The following CENPN variants were observed in gnomAD, a reference collection of about 807,000 sequenced individuals.
CENPN encodes the protein centromere protein N, also known as interphase centromere complex protein 32.
CENPN carries 36 observed loss-of-function variants against 48.6 expected under a neutral mutation model. The ratio of observed to expected loss-of-function variants is 0.74; its 90% CI spans 0.57 to 0.98. The LOEUF (loss-of-function observed/expected upper bound fraction) is 0.98, where lower values mean the gene tolerates loss of function less well. CENPN is among the 50% of genes least tolerant of loss of function. The pLI, the probability that CENPN is intolerant of heterozygous loss-of-function variation, is 0.00. For missense variants in CENPN, 439 were observed against 399.2 expected (o/e 1.10, Z -0.85); for synonymous variants, 166 against 135.2 (o/e 1.23, Z -1.58).
chr16:81,031,779 TTTTAGTAGAGACAGGGTTTCACCA>T (rs1396197561), downstream of CENPN, among the ~76,000 whole-genome samples: 3 of 152,192 alleles, frequency 2.0e-5, no homozygotes, highest in Middle Eastern at 3.2e-3. Context: ...ATTTTTGTAT[TTTTAGTAGAGACAGGGTTTCACCA>T]TGTTGGTCAG....
intron 3 of CENPN, among the ~76,000 whole-genome samples, chr16:81,015,695 A>G (rs571985708): frequency 6.6e-6 from 1 of 152,322 alleles, no homozygotes; most frequent in African/African-American, 2.4e-5. Context: ...CATTTCTCAT[A>G]CATTGATTCA....
At chr16:81,015,421 G>A (rs549495046) in intron 3 of CENPN, among the ~76,000 whole-genome samples, 1 of 152,330 alleles carries the variant, frequency 6.6e-6, no homozygotes, top group African/African-American at 2.4e-5. Context: ...GTATAATAGT[G>A]ATAATATCAC....
chr16:81,008,693 G>A (rs1969608143), intron 1 of CENPN, among the ~76,000 whole-genome samples: 1 of 152,070 alleles, frequency 6.6e-6, no homozygotes, highest in Admixed American at 6.5e-5. Flanking sequence ...ACTGACTGTT[G>A]AACCCCAAAC....
At chr16:81,011,623 T>G (rs9938541) in intron 1 of CENPN, among the ~76,000 whole-genome samples, 36,402 of 152,126 alleles carry the variant, frequency 0.24, 4,536 homozygotes, top group East Asian at 0.42. Context: ...AGAAAATAAT[T>G]AAATGCTCAT....
At chr16:81,027,772 T>C (rs949326051) in intron 9 of CENPN, among the ~76,000 whole-genome samples, 1 of 152,192 alleles carries the variant, frequency 6.6e-6, no homozygotes, top group Non-Finnish European at 1.5e-5. Context: ...TGGCACCATC[T>C]TGGCTCACTG....
chr16:81,025,991 C>A (rs1421159661), intron 8 of CENPN, among the ~76,000 whole-genome samples: 1 of 150,800 alleles, frequency 6.6e-6, no homozygotes, highest in Non-Finnish European at 1.5e-5. Flanking sequence ...GTGTGAGCCA[C>A]CGTGCCCAGC....
intron 9 of CENPN, among the ~76,000 whole-genome samples, 162 bp downstream of exon 9, chr16:81,026,800 A>G (rs1182903175): frequency 6.6e-6 from 1 of 152,212 alleles, no homozygotes. Flanking sequence ...TATTGTATTT[A>G]TAAGTTCCTC....
chr16:81,020,381 G>C (rs1025836550), intron 6 of CENPN, 105 bp downstream of exon 6: 2 of 1,155,340 alleles, frequency 1.7e-6, no homozygotes, highest in African/African-American at 1.6e-5. Flanking sequence ...TACTAGGCCA[G>C]GTGCAGTGGC....
chr16:81,021,010 TG>T (rs1389599650), intron 6 of CENPN, among the ~76,000 whole-genome samples: 2 of 151,740 alleles, frequency 1.3e-5, no homozygotes, highest in African/African-American at 4.8e-5. Context: ...GAGAATTGCT[TG>T]AACCCGGGAG....
intron 8 of CENPN, among the ~76,000 whole-genome samples, chr16:81,026,069 A>ATATGTGTG (rs558476841): frequency 7.3e-6 from 1 of 136,704 alleles, no homozygotes; most frequent in African/African-American, 2.8e-5. Context: ...ATATATATAT[A>ATATGTGTG]TGTGTGTGTG....
chr16:81,014,165 C>A lies in CENPN; in HGVS notation c.201C>A (p.Ala67=), dbSNP rs772454239. Residue 67 remains alanine (A), a synonymous_variant, in exon 3 of 11, where the codon GCC becomes GCA. Coordinates refer to ENST00000305850, the MANE Select transcript of CENPN (RefSeq NM_001100624.3). ...AGCGTGCAAGTATCAGTGATGCTGCCCTGTTAGACATCATTTGTAAGTGTC... is the reference window on the plus strand; with the variant it reads ...AGCGTGCAAGTATCAGTGATGCTGCACTGTTAGACATCATTTGTAAGTGTC... ...EEKRASISDA[A]LLDIIYMQFH... 3.1e-6 allele frequency: 5 copies of A among 1,613,032 alleles called. No homozygotes were observed. In the South Asian group the frequency reaches 5.5e-5, roughly 18 times the overall value.
intron 5 of CENPN, among the ~76,000 whole-genome samples, chr16:81,018,225 G>A (rs761798753): frequency 6.6e-5 from 10 of 151,680 alleles, no homozygotes; most frequent in Non-Finnish European, 1.0e-4. Flanking sequence ...TGCCCAGGCT[G>A]GAGTGCAGTG....
At chr16:81,026,069 A>ATATGTG (rs558476841) in intron 8 of CENPN, among the ~76,000 whole-genome samples, 24 of 136,716 alleles carry the variant, frequency 1.8e-4, no homozygotes, top group African/African-American at 3.3e-4. Flanking sequence ...ATATATATAT[A>ATATGTG]TGTGTGTGTG....
intron 8 of CENPN, among the ~76,000 whole-genome samples, chr16:81,025,314 AC>A (rs1279897643): frequency 6.6e-6 from 1 of 152,216 alleles, no homozygotes; most frequent in African/African-American, 2.4e-5. Context: ...TCACTAGAAA[AC>A]CCAAGAGAAA....
At chr16:81,007,499 G>C (rs1969478189) in intron 1 of CENPN, 2 of 152,322 alleles carry the variant, frequency 1.3e-5, no homozygotes. Flanking sequence ...CCGCGGTGGG[G>C]CGGGTGGAGC....
chr16:81,016,651 A>G (rs2151684312), intron 3 of CENPN: 1 of 152,504 alleles, frequency 6.6e-6, no homozygotes, highest in East Asian at 1.9e-4. Flanking sequence ...TAATTCCAGT[A>G]CTCGGGAGGC....
At chr16:81,010,074 C>G (rs1386054091) in intron 1 of CENPN, among the ~76,000 whole-genome samples, 1 of 152,170 alleles carries the variant, frequency 6.6e-6, no homozygotes, top group Non-Finnish European at 1.5e-5. Context: ...TGGTGCACGC[C>G]TGCAGTCCTA....
chr16:81,011,881 G>C (rs1410861567), intron 1 of CENPN, 49 bp from the exon 2 acceptor site: 3 of 1,434,790 alleles, frequency 2.1e-6, no homozygotes. Context: ...AGACAGACAA[G>C]TATTGTATTT....
rs767514474 is a variant in CENPN, at chr16:81,020,178, A to T, written c.433A>T (p.Asn145Tyr). 6.2e-7 allele frequency: 1 copy of T among 1,614,054 alleles called. No individual in the cohort carries two copies. The highest frequency in any genetic ancestry group is 8.5e-7 in the Non-Finnish European group (1 of 1,179,994). ...CTGGGGAACACAGTACACAAAGCCAAACCAGTACAAACCTACCTACGTGGT... is the reference window on the plus strand; with the variant it reads ...CTGGGGAACACAGTACACAAAGCCATACCAGTACAAACCTACCTACGTGGT... ...IAWGTQYTKP[N>Y]QYKPTYVVYY... The change falls in exon 6 of 11, where the codon AAC becomes TAC. Residue 145 changes from asparagine (N) to tyrosine (Y), a missense_variant. Physicochemically the swap from Asn to Tyr is moderately radical, Grantham distance 143. Coordinates refer to ENST00000305850, the MANE Select transcript of CENPN (RefSeq NM_001100624.3).
Sources: allele counts gnomAD v4.1 joint callset (sites outside exome capture counted in the v4.1 genomes callset), GRCh38; gene constraint gnomAD v4.1.1; transcripts MANE v1.5; gene names NCBI Gene and HGNC (gene_info 2026-07-23, HGNC 2026-07-21).